The following SORBS3 variants were observed in gnomAD, a reference collection of about 807,000 sequenced individuals.
SORBS3 encodes sorbin and SH3 domain containing 3.
A neutral mutation model predicts 98.0 loss-of-function variants in SORBS3; 69 were observed. The ratio of observed to expected loss-of-function variants is 0.70; its 90% CI spans 0.58 to 0.86. The LOEUF is 0.86. SORBS3 is among the 40% of genes least tolerant of loss of function. The pLI, the probability that SORBS3 is intolerant of heterozygous loss-of-function variation, is 0.00. For missense variants in SORBS3, 954 were observed against 908.5 expected (o/e 1.05, Z -0.64); for synonymous variants, 394 against 355.4 (o/e 1.11, Z -1.22).
At chr8:22,562,402 A>G (rs1840316054) in intron 7 of SORBS3, among the ~76,000 whole-genome samples, 1 of 152,232 alleles carries the variant, frequency 6.6e-6, no homozygotes. Context: ...CCTTGGAGGG[A>G]TAAGGATGAC....
rs775304095 is a variant in SORBS3, at chr8:22,564,538, G to T, written c.816+17G>T. 6.2e-7 allele frequency: 1 copy of T among 1,613,786 alleles called. No homozygotes were observed. Among genetic ancestry groups the T allele is most frequent in the Non-Finnish European group, 8.5e-7 (1 of 1,179,910 alleles). ...CCCATTGAGGTGAGTGCTGCAGGGT[G>T]CTGGGGACAGCAGCCTGATAAACCA... is the stretch of plus-strand genomic sequence containing the variant. On this transcript the variant is annotated intron_variant, in intron 10 of 20. Coordinates refer to ENST00000240123, the MANE Select transcript of SORBS3 (RefSeq NM_005775.5).
intron 20 of SORBS3, chr8:22,573,314 C>T (rs1454253034): frequency 1.5e-5 from 7 of 453,030 alleles, no homozygotes; most frequent in Non-Finnish European, 3.1e-5. Flanking sequence ...TTTTTTACAA[C>T]TACTAATAAA....
intron 5 of SORBS3, among the ~76,000 whole-genome samples, chr8:22,558,998 G>T (rs1840241535): frequency 6.6e-6 from 1 of 152,248 alleles, no homozygotes; most frequent in Non-Finnish European, 1.5e-5. Flanking sequence ...TGGTGTCAGG[G>T]TACGTGGGGC....
chr8:22,558,073 T>C, intron 4 of SORBS3, 56 bp from the exon 5 acceptor site: 2 of 1,578,330 alleles, frequency 1.3e-6, no homozygotes, highest in Non-Finnish European at 1.7e-6. Flanking sequence ...TTTTGTGGCT[T>C]GAAATTGGGA....
At position 22,572,457 on chromosome 8, in the gene SORBS3, A is replaced by G. The variant is rs1433468862; in HGVS notation, c.1954+11A>G. 1.9e-6 allele frequency: 3 copies of G among 1,603,722 alleles called. No homozygotes were observed. Among genetic ancestry groups the G allele is most frequent in the Non-Finnish European group, 2.6e-6 (3 of 1,171,056 alleles). ...ATGGCTGGTTTGTGGGTATGTGGGC[A>G]GGCCGGGAGGGGGCATCTCAGGGCC... On this transcript the variant is annotated intron_variant, in intron 20 of 20. Transcript: ENST00000240123.
Position 22,561,332 on chromosome 8 carries a change from C to A in SORBS3, c.479-3C>A. On this transcript the variant is annotated splice_region_variant and splice_polypyrimidine_tract_variant and intron_variant, in intron 5 of 20. Coordinates refer to ENST00000240123, the MANE Select transcript of SORBS3 (RefSeq NM_005775.5). ...CATGACCTGGTCCCTTCTGCTCCTG[C>A]AGACTTGCAGCTGGACTGGACCTTC... 1 of 1,598,576 alleles carries A rather than the reference C, an allele frequency of 6.3e-7. No individual in the cohort carries two copies. The highest frequency in any genetic ancestry group is 8.5e-7 in the Non-Finnish European group (1 of 1,170,870).
At chr8:22,550,680 C>G (rs920651462), upstream of SORBS3, among the ~76,000 whole-genome samples, 3 of 152,340 alleles carry the variant, frequency 2.0e-5, no homozygotes, top group Non-Finnish European at 2.9e-5. Context: ...TCTTTCCAAA[C>G]TTTGAGTTGA....
rs1840305010 is a variant in SORBS3, at chr8:22,561,939, C to T, written c.584+8C>T. 1.2e-6 allele frequency: 2 copies of T among 1,613,732 alleles called. No individual in the cohort carries two copies. Among genetic ancestry groups the T allele is most frequent in the African/African-American group, 1.3e-5 (1 of 74,924 alleles). On this transcript the variant is annotated splice_region_variant and intron_variant, in intron 7 of 20. Coordinates refer to ENST00000240123, the MANE Select transcript of SORBS3 (RefSeq NM_005775.5). ...GGCAACATCTTCCAGTGGGTGAGCA[C>T]AGTGGGGCGGGGCCGAGGGCTGCGG...
upstream of SORBS3, chr8:22,550,103 C>T (rs1840059292): frequency 8.8e-6 from 7 of 793,362 alleles, no homozygotes; most frequent in Non-Finnish European, 1.1e-5. Flanking sequence ...TATTTTATCC[C>T]TGAGGGAGGG....
chr8:22,565,292 G>C lies in SORBS3; in HGVS notation c.841G>C (p.Glu281Gln), dbSNP rs137860983. ...IEVLLERELA[E>Q]LSAELDKDLR... ...GGTGCTGCTGGAGAGAGAGCTGGCC[G>C]AGCTGAGCGCCGAGCTGGACAAGGA... Residue 281 changes from glutamate to glutamine, a missense_variant, in exon 11 of 21, where the codon GAG (glutamate) becomes CAG (glutamine). Glu to Gln is a conservative substitution (Grantham distance 29, BLOSUM62 2). Coordinates refer to ENST00000240123, the MANE Select transcript of SORBS3 (RefSeq NM_005775.5). 6.4e-6 allele frequency: 10 copies of C among 1,556,618 alleles called. No homozygotes were observed. The highest frequency in any genetic ancestry group is 1.7e-4 in the Middle Eastern group (1 of 5,968).
intron 11 of SORBS3, 92 bp downstream of exon 11, chr8:22,565,446 C>A: frequency 1.9e-6 from 2 of 1,059,150 alleles, no homozygotes; most frequent in Middle Eastern, 3.3e-4. Flanking sequence ...GGGCGGAGGA[C>A]GGGCAGCCGA....
At chr8:22,562,935 T>C (rs1444251651) in intron 7 of SORBS3, among the ~76,000 whole-genome samples, 2 of 152,068 alleles carry the variant, frequency 1.3e-5, no homozygotes, top group African/African-American at 4.8e-5. Flanking sequence ...GCTAACATGG[T>C]GAAACCCCGT....
intron 19 of SORBS3, 82 bp downstream of exon 19, chr8:22,571,903 TC>T: frequency 1.0e-6 from 1 of 1,005,024 alleles, no homozygotes; most frequent in South Asian, 1.3e-5. Context: ...CTCCCCCAAG[TC>T]CCCACCTGTG....
chr8:22,575,047 C>T lies in SORBS3; in HGVS notation c.*319C>T. Reference sequence around the variant, plus strand: ...CCCCAAGTCCCCCACCCCCATCCTGCTCCAGCGTTTCCTCTAACAGGGACC... The same window carrying T: ...CCCCAAGTCCCCCACCCCCATCCTGTTCCAGCGTTTCCTCTAACAGGGACC... On this transcript the variant is annotated 3_prime_UTR_variant, in exon 21 of 21. Coordinates refer to ENST00000240123, the MANE Select transcript of SORBS3 (RefSeq NM_005775.5). 2 of 520,662 alleles carry T rather than the reference C, an allele frequency of 3.8e-6. No individual in the cohort carries two copies. Among genetic ancestry groups the T allele is most frequent in the Middle Eastern group, 3.2e-4 (1 of 3,146 alleles). The allele number at this position is 520,662 out of a possible 1,614,324, so 32.3% of individuals were successfully genotyped here.
upstream of SORBS3, among the ~76,000 whole-genome samples, chr8:22,548,609 G>A (rs898718641): frequency 1.3e-5 from 2 of 152,180 alleles, no homozygotes; most frequent in African/African-American, 4.8e-5. Flanking sequence ...AAGAAAGGAA[G>A]AGCAGATGCC....
intron 1 of SORBS3, among the ~76,000 whole-genome samples, chr8:22,552,793 C>T (rs1840109230): frequency 6.6e-6 from 1 of 152,224 alleles, no homozygotes; most frequent in African/African-American, 2.4e-5. Flanking sequence ...GTCTCCTGAC[C>T]TTCCACCCCA....
chr8:22,553,081 G>A (rs1840116138), intron 1 of SORBS3, among the ~76,000 whole-genome samples: 2 of 152,104 alleles, frequency 1.3e-5, no homozygotes. Flanking sequence ...GGGTCCAGGG[G>A]CTGAGTCATC....
upstream of SORBS3, among the ~76,000 whole-genome samples, chr8:22,547,091 G>A (rs1840023610): frequency 6.6e-6 from 1 of 152,196 alleles, no homozygotes; most frequent in Admixed American, 6.5e-5. Context: ...TTTCCAATAA[G>A]CTGAGTAGCA....
intron 17 of SORBS3, among the ~76,000 whole-genome samples, chr8:22,570,175 T>A (rs535960585): frequency 1.3e-5 from 2 of 152,230 alleles, no homozygotes; most frequent in East Asian, 3.9e-4. Context: ...AGACGGCCCA[T>A]AGTGAATGCC....
Sources: gnomAD v4.1 joint callset for allele counts (sites outside exome capture counted in the v4.1 genomes callset) on GRCh38, gnomAD v4.1.1 for gene constraint, MANE v1.5 for transcripts, NCBI Gene and HGNC (gene_info 2026-07-23, HGNC 2026-07-21) for gene names.